LOXHD1: variants seen among roughly 807,000 people sequenced by gnomAD.
LOXHD1 encodes lipoxygenase homology domain-containing protein 1.
In LOXHD1, 205 loss-of-function variants were observed where a neutral mutation model predicts 248.2. That is an observed-to-expected ratio of 0.83 (90% CI 0.74 to 0.93). LOXHD1 has a LOEUF of 0.93. LOXHD1 is among the 40% of genes least tolerant of loss of function. LOXHD1 has a pLI of 0.00. For missense variants in LOXHD1, 2,930 were observed against 2,971.6 expected, an observed-to-expected ratio of 0.99 and a Z score of 0.33; for synonymous variants, 1,113 against 1,162.8, an observed-to-expected ratio of 0.96 and a Z score of 0.87.
chr18:46,643,874 G>A (rs1411496025), intron 2 of LOXHD1, among the ~76,000 whole-genome samples: 1 of 152,014 alleles, frequency 6.6e-6, no homozygotes, highest in Non-Finnish European at 1.5e-5. Flanking sequence ...ACAGAAATAG[G>A]TTTATAATAT....
intron 26 of LOXHD1, among the ~76,000 whole-genome samples, chr18:46,536,627 C>T (rs1046761559): frequency 6.6e-6 from 1 of 152,236 alleles, no homozygotes; most frequent in African/African-American, 2.4e-5. Context: ...CCGCTGACGG[C>T]ATCAGGCCTG....
At chr18:46,544,484 A>C (rs2036708725) in intron 23 of LOXHD1, among the ~76,000 whole-genome samples, 1 of 152,240 alleles carries the variant, frequency 6.6e-6, no homozygotes, top group African/African-American at 2.4e-5. Flanking sequence ...TAATTATATC[A>C]TTATATATTA....
intron 18 of LOXHD1, among the ~76,000 whole-genome samples, chr18:46,562,575 G>A (rs114260436): frequency 0.017 from 2,526 of 152,246 alleles, 73 homozygotes; most frequent in African/African-American, 0.054. Context: ...TGTCTTGGCT[G>A]GGAAGCATTT....
At chr18:46,518,473 T>G (rs1568127325) in intron 33 of LOXHD1, among the ~76,000 whole-genome samples, 1 of 152,212 alleles carries the variant, frequency 6.6e-6, no homozygotes, top group Non-Finnish European at 1.5e-5. Context: ...AGAAAGGAGT[T>G]CTGACAGCCC....
intron 38 of LOXHD1, among the ~76,000 whole-genome samples, chr18:46,486,240 T>C (rs1010051713): frequency 6.6e-6 from 1 of 152,174 alleles, no homozygotes; most frequent in Non-Finnish European, 1.5e-5. Flanking sequence ...AGTACCTGGA[T>C]GACTGACGGT....
chr18:46,501,465 A>C (rs893261149), intron 37 of LOXHD1, among the ~76,000 whole-genome samples: 11 of 152,232 alleles, frequency 7.2e-5, no homozygotes, highest in Non-Finnish European at 2.9e-5. Flanking sequence ...GTGTTTCTAA[A>C]TGCAAGAAGG....
chr18:46,560,052 T>TTCCC, intron 19 of LOXHD1, 31 bp downstream of exon 19: 142 of 441,116 alleles, frequency 3.2e-4, no homozygotes, highest in South Asian at 9.3e-4. Flanking sequence ...GGCCACTCCC[T>TTCCC]CCCCACCCCC....
chr18:46,580,194 T>C (rs2037936610), intron 12 of LOXHD1, among the ~76,000 whole-genome samples: 1 of 152,252 alleles, frequency 6.6e-6, no homozygotes, highest in Non-Finnish European at 1.5e-5. Flanking sequence ...CTTGGGGGAC[T>C]CTGATGGAGC....
At chr18:46,568,225 C>A (rs1277364367) in intron 16 of LOXHD1, among the ~76,000 whole-genome samples, 1 of 152,106 alleles carries the variant, frequency 6.6e-6, no homozygotes, top group East Asian at 1.9e-4. Flanking sequence ...TTGTTACCAT[C>A]TCCATTTCCA....
intron 10 of LOXHD1, 87 bp downstream of exon 10, chr18:46,593,513 C>T: frequency 6.8e-7 from 1 of 1,461,152 alleles, no homozygotes; most frequent in South Asian, 1.3e-5. Flanking sequence ...TGGTCCAAAA[C>T]CTGGCTTAGA....
At chr18:46,502,214 C>T (rs1332824729) in intron 37 of LOXHD1, among the ~76,000 whole-genome samples, 3 of 152,144 alleles carry the variant, frequency 2.0e-5, no homozygotes, top group Non-Finnish European at 4.4e-5. Flanking sequence ...GAATCTTCTT[C>T]TCAAATATAT....
At chr18:46,538,753 G>A (rs531434424) in intron 25 of LOXHD1, among the ~76,000 whole-genome samples, 1 of 152,302 alleles carries the variant, frequency 6.6e-6, no homozygotes, top group South Asian at 2.1e-4. Flanking sequence ...CTTGGCTGAA[G>A]AGACTCCACA....
At chr18:46,647,082 A>G (rs1016832385) in intron 2 of LOXHD1, among the ~76,000 whole-genome samples, 5 of 152,238 alleles carry the variant, frequency 3.3e-5, no homozygotes, top group Non-Finnish European at 7.3e-5. Context: ...AACATGGTCC[A>G]TATATAGGCA....
chr18:46,575,746 A>G (rs1447236588), intron 14 of LOXHD1, among the ~76,000 whole-genome samples: 1 of 152,050 alleles, frequency 6.6e-6, no homozygotes, highest in African/African-American at 2.4e-5. Flanking sequence ...TGTTTCTGTC[A>G]TTTAAGCCAC....
intron 14 of LOXHD1, 91 bp from the exon 15 acceptor site, chr18:46,572,253 C>A (rs535703736): frequency 8.8e-7 from 1 of 1,142,726 alleles, no homozygotes; most frequent in Non-Finnish European, 1.3e-6. Context: ...CTATGGAGGC[C>A]CAGAGCTTTG....
chr18:46,543,862 T>G (rs113469066), intron 23 of LOXHD1, among the ~76,000 whole-genome samples: 1 of 152,326 alleles, frequency 6.6e-6, no homozygotes, highest in African/African-American at 2.4e-5. Flanking sequence ...CTATGTTCCC[T>G]GGGGAAACAT....
In LOXHD1 at chr18:46,534,440, C is replaced by A. The variant is rs903435345; in HGVS notation, c.4107G>T (p.Val1369=). The part of the protein sequence containing the change: ...ASRFIVELED[V]GEIIEKIRIG... ...TCCGAATTTTTTCAATGATTTCTCC[C>A]ACATCTTCTAACTTTGGAAAGGAGA... Residue 1369 remains valine, a synonymous_variant, in exon 27 of 41, where the codon GTG becomes GTT. Coordinates refer to ENST00000642948, the MANE Select transcript of LOXHD1 (RefSeq NM_001384474.1). 7.1e-6 allele frequency: 11 copies of A among 1,551,288 alleles called. No individual in the cohort carries two copies. Among genetic ancestry groups the A allele is most frequent in the Non-Finnish European group, 9.6e-6 (11 of 1,146,680 alleles).
rs532473476 is a variant in LOXHD1 at position 46,495,524 on chromosome 18, G to A, written c.5879-6382C>T. Among the ~76,000 whole-genome samples the A allele has an allele frequency of 2.7e-4, 41 of 152,256 alleles. 1 individual carries two copies. In the East Asian group the frequency reaches 7.9e-3, roughly 29 times the overall value. ...AGGAAATTTTACAGTGGAGTAATCA[G>A]GCTGGCAGTCCCTGTATCCACTATT... On this transcript the variant is annotated intron_variant, in intron 37 of 40. Coordinates refer to ENST00000642948, the MANE Select transcript of LOXHD1 (RefSeq NM_001384474.1).
At chr18:46,594,731 C>T (rs1392803748) in intron 8 of LOXHD1, among the ~76,000 whole-genome samples, 2 of 152,192 alleles carry the variant, frequency 1.3e-5, no homozygotes, top group African/African-American at 4.8e-5. Flanking sequence ...TCTTTGAATA[C>T]CGTATTTCTT....
Sources: gnomAD v4.1 joint callset for allele counts (sites outside exome capture counted in the v4.1 genomes callset) on GRCh38, gnomAD v4.1.1 for gene constraint, MANE v1.5 for transcripts, NCBI Gene and HGNC (gene_info 2026-07-23, HGNC 2026-07-21) for gene names.